The following XKR9 variants were observed in gnomAD, a reference collection of about 807,000 sequenced individuals.
XKR9 encodes XK-related protein 9.
A neutral mutation model predicts 32.0 loss-of-function variants in XKR9; 32 were observed. The observed-to-expected ratio is 1.00, with a 90% confidence interval of 0.76 to 1.34. The LOEUF is 1.34. Ranked by LOEUF, XKR9 falls within the 40% of genes most tolerant of loss-of-function variation. The pLI, the probability that XKR9 is intolerant of heterozygous loss-of-function variation, is 0.00. For synonymous variants in XKR9, 168 were observed against 143.4 expected, an observed-to-expected ratio of 1.17 and a Z score of -1.22; for missense variants, 546 against 429.7, an observed-to-expected ratio of 1.27 and a Z score of -2.39.
the XKR9 span, among the ~76,000 whole-genome samples, chr8:70,839,692 A>G: frequency 6.6e-6 from 1 of 152,130 alleles, no homozygotes; most frequent in Non-Finnish European, 1.5e-5. Context: ...TCTAATCAAC[A>G]GAGAAGACAG....
chr8:71,059,124 A>G, the XKR9 span, among the ~76,000 whole-genome samples: 1 of 152,254 alleles, frequency 6.6e-6, no homozygotes, highest in Non-Finnish European at 1.5e-5. Context: ...CCTTTTGAAA[A>G]CCAGTTTTAA....
chr8:70,673,042 C>T (rs945321772), intron 1 of XKR9, among the ~76,000 whole-genome samples: 1 of 152,160 alleles, frequency 6.6e-6, no homozygotes, highest in Non-Finnish European at 1.5e-5. Flanking sequence ...GTTTCCTTTG[C>T]TGTGCAGAAA....
intron 3 of XKR9, among the ~76,000 whole-genome samples, chr8:70,704,248 A>G (rs936325441): frequency 6.6e-5 from 10 of 152,140 alleles, no homozygotes; most frequent in Admixed American, 2.0e-4. Context: ...ACTGTGTCCT[A>G]TTGATTAAAA....
At chr8:70,725,155 G>A (rs1806420247) in intron 4 of XKR9, among the ~76,000 whole-genome samples, 2 of 152,132 alleles carry the variant, frequency 1.3e-5, no homozygotes, top group African/African-American at 4.8e-5. Context: ...AACTTCCCCT[G>A]TGATTCAATT....
chr8:70,730,035 G>A (rs1214783022), intron 4 of XKR9, among the ~76,000 whole-genome samples: 4 of 152,054 alleles, frequency 2.6e-5, no homozygotes, highest in African/African-American at 4.8e-5. Context: ...TTACTTATCC[G>A]AGGTGGTAAC....
the XKR9 span, among the ~76,000 whole-genome samples, chr8:70,972,911 T>C: frequency 1.3e-5 from 2 of 152,146 alleles, no homozygotes; most frequent in South Asian, 2.1e-4. Context: ...TCAGGGATAA[T>C]GGTCTGTAGT....
the XKR9 span, among the ~76,000 whole-genome samples, chr8:70,813,192 A>G: frequency 6.6e-6 from 1 of 152,236 alleles, no homozygotes; most frequent in African/African-American, 2.4e-5. Flanking sequence ...AGCAATGGGG[A>G]AAGGATTCCC....
At chr8:70,847,943 G>A in the XKR9 span, among the ~76,000 whole-genome samples, 1 of 151,962 alleles carries the variant, frequency 6.6e-6, no homozygotes. Flanking sequence ...TGGAAAAGGA[G>A]GGAATTATTT....
chr8:70,807,266 G>A, the XKR9 span, among the ~76,000 whole-genome samples: 5 of 152,068 alleles, frequency 3.3e-5, no homozygotes, highest in Non-Finnish European at 7.4e-5. Flanking sequence ...TGAAAAAAGT[G>A]CTAAATATGG....
the XKR9 span, among the ~76,000 whole-genome samples, chr8:71,039,343 G>A: frequency 2.0e-5 from 3 of 152,132 alleles, no homozygotes; most frequent in African/African-American, 7.2e-5. Context: ...TGTTAGCCTA[G>A]CCTACTTTAA....
chr8:70,798,204 C>G, the XKR9 span, among the ~76,000 whole-genome samples: 1 of 151,996 alleles, frequency 6.6e-6, no homozygotes, highest in Non-Finnish European at 1.5e-5. Flanking sequence ...TTTCTGCAAC[C>G]TTGCCTACAT....
At chr8:70,927,290 G>A in the XKR9 span, among the ~76,000 whole-genome samples, 21 of 151,954 alleles carry the variant, frequency 1.4e-4, no homozygotes, top group Admixed American at 3.3e-4. Context: ...GGGTATCATC[G>A]ATCAATTTTC....
chr8:71,055,725 G>C, the XKR9 span, among the ~76,000 whole-genome samples: 11 of 152,098 alleles, frequency 7.2e-5, no homozygotes, highest in African/African-American at 2.7e-4. Flanking sequence ...AAAAAAAATA[G>C]ATTCTTTCCT....
downstream of XKR9, among the ~76,000 whole-genome samples, chr8:70,740,907 G>T (rs1236632753): frequency 1.3e-5 from 2 of 152,202 alleles, no homozygotes; most frequent in Non-Finnish European, 2.9e-5. Context: ...AGGCTGCTCG[G>T]GGTCAGGGGT....
At chr8:70,771,276 G>A (rs894191904) in intron 2 of XKR9, among the ~76,000 whole-genome samples, 2 of 152,056 alleles carry the variant, frequency 1.3e-5, no homozygotes, top group African/African-American at 4.8e-5. Flanking sequence ...AGATGAACCT[G>A]GTACCTCAGT....
At chr8:70,696,737 G>T (rs796565279) in intron 3 of XKR9, among the ~76,000 whole-genome samples, 254 of 138,800 alleles carry the variant, frequency 1.8e-3, no homozygotes, top group African/African-American at 2.1e-3. Flanking sequence ...TTGGTAGCTT[G>T]ATGGGGATGA....
chr8:70,924,554 C>T, the XKR9 span, among the ~76,000 whole-genome samples: 1 of 152,174 alleles, frequency 6.6e-6, no homozygotes, highest in Admixed American at 6.5e-5. Flanking sequence ...ATTCCCCAAA[C>T]GTGCCGAAGC....
the XKR9 span, among the ~76,000 whole-genome samples, chr8:70,975,638 A>T: frequency 2.9e-3 from 447 of 152,320 alleles, 2 homozygotes; most frequent in African/African-American, 0.01. Context: ...TGTTTTGATT[A>T]CTGTAGCCTT....
At chr8:71,051,176 A>G in the XKR9 span, among the ~76,000 whole-genome samples, 49,130 of 151,984 alleles carry the variant, frequency 0.32, 9,193 homozygotes, top group Non-Finnish European at 0.43. Flanking sequence ...TAATTCTTCA[A>G]TGGGCTTACT....
Sources: allele counts gnomAD v4.1 joint callset (sites outside exome capture counted in the v4.1 genomes callset), GRCh38; gene constraint gnomAD v4.1.1; transcripts MANE v1.5; gene names NCBI Gene and HGNC (gene_info 2026-07-23, HGNC 2026-07-21).